Variants in ZNF804B observed in about 807,000 individuals in gnomAD.
ZNF804B encodes the protein zinc finger 804B.
ZNF804B carries 80 observed loss-of-function variants against 101.4 expected under a neutral mutation model. The ratio of observed to expected loss-of-function variants is 0.79; its 90% CI spans 0.66 to 0.95. The LOEUF is 0.95. ZNF804B is among the 40% of genes least tolerant of loss of function. The pLI, the probability that ZNF804B is intolerant of heterozygous loss-of-function variation, is 0.00. For synonymous variants in ZNF804B, 622 were observed against 558.8 expected, an observed-to-expected ratio of 1.11 and a Z score of -1.59; for missense variants, 1,673 against 1,561.9, an observed-to-expected ratio of 1.07 and a Z score of -1.20.
chr7:89,213,633 T>C (rs901248650), intron 1 of ZNF804B, among the ~76,000 whole-genome samples: 2 of 152,144 alleles, frequency 1.3e-5, no homozygotes, highest in African/African-American at 4.8e-5. Flanking sequence ...CTCCATATCA[T>C]CCCAAACCCA....
At chr7:89,218,342 T>G (rs1269798844) in intron 2 of ZNF804B, 47 bp downstream of exon 2, 1 of 1,605,678 alleles carries the variant, frequency 6.2e-7, no homozygotes, top group African/African-American at 1.3e-5. Flanking sequence ...ATTTATACCT[T>G]CAGAACAGAA....
intron 1 of ZNF804B, among the ~76,000 whole-genome samples, chr7:88,844,778 A>G (rs929914704): frequency 6.6e-6 from 1 of 152,218 alleles, no homozygotes; most frequent in South Asian, 2.1e-4. Context: ...GTTTCATGCC[A>G]ATCTCTGTAA....
intron 1 of ZNF804B, among the ~76,000 whole-genome samples, chr7:89,114,549 A>G (rs1172959721): frequency 6.6e-6 from 1 of 152,238 alleles, no homozygotes; most frequent in Non-Finnish European, 1.5e-5. Context: ...CTTGAATGAT[A>G]TCTGGTGCCA....
At chr7:88,772,835 C>T (rs1303856883) in intron 1 of ZNF804B, among the ~76,000 whole-genome samples, 1 of 151,948 alleles carries the variant, frequency 6.6e-6, no homozygotes, top group Non-Finnish European at 1.5e-5. Context: ...ATCCTTTGTT[C>T]AAAGGAAATT....
chr7:89,308,958 C>A (rs911938937), intron 2 of ZNF804B, among the ~76,000 whole-genome samples: 2 of 152,136 alleles, frequency 1.3e-5, no homozygotes, highest in Admixed American at 1.3e-4. Flanking sequence ...CCTAAAACTT[C>A]TTTTGAGAGA....
intron 2 of ZNF804B, among the ~76,000 whole-genome samples, chr7:89,256,291 AGCC>A (rs1789631173): frequency 1.3e-5 from 2 of 152,168 alleles, no homozygotes; most frequent in Non-Finnish European, 2.9e-5. Context: ...CAGTGGCTCA[AGCC>A]TGTAATCCCA....
intron 1 of ZNF804B, among the ~76,000 whole-genome samples, chr7:89,052,185 T>A (rs973331400): frequency 9.9e-5 from 15 of 152,142 alleles, no homozygotes; most frequent in Non-Finnish European, 2.1e-4. Flanking sequence ...TCACCAAGGC[T>A]GGAATGCAGT....
chr7:89,152,227 T>C (rs1790888682), intron 1 of ZNF804B, among the ~76,000 whole-genome samples: 1 of 151,370 alleles, frequency 6.6e-6, no homozygotes, highest in Non-Finnish European at 1.5e-5. Context: ...AGTCAAGTAA[T>C]GTTTCAGACT....
intron 1 of ZNF804B, among the ~76,000 whole-genome samples, chr7:89,080,765 C>T (rs1789685059): frequency 6.6e-6 from 1 of 151,864 alleles, no homozygotes; most frequent in South Asian, 2.1e-4. Flanking sequence ...GAAGAGCTGC[C>T]TTATTCTTAT....
chr7:89,332,227 A>G lies in ZNF804B; in HGVS notation c.381-1136A>G, dbSNP rs143435045. ...TTTGGTGGACAAAAGGAATGTGATGACTCTAGAGTTCGATGCTGATTTGCC... is the reference window on the plus strand; with the variant it reads ...TTTGGTGGACAAAAGGAATGTGATGGCTCTAGAGTTCGATGCTGATTTGCC... On this transcript the variant is annotated intron_variant, in intron 3 of 3. Transcript: ENST00000333190. Among the ~76,000 whole-genome samples, 754 of 151,772 alleles carry G rather than the reference A, an allele frequency of 5.0e-3. 10 individuals are homozygous for G. The highest frequency in any genetic ancestry group is 0.017 in the African/African-American group (718 of 41,480).
intron 1 of ZNF804B, among the ~76,000 whole-genome samples, chr7:89,156,074 C>CTCTTTCCTT (rs1320108402): frequency 0.19 from 12,920 of 69,680 alleles, 923 homozygotes; most frequent in Middle Eastern, 0.23. Flanking sequence ...CTTTCTTTCT[C>CTCTTTCCTT]TCTTTCTCTC....
rs1048961208 is a variant in ZNF804B, at chr7:89,064,834, G to A, written c.109-153321G>A. Among the ~76,000 whole-genome samples the A allele has an allele frequency of 4.2e-4, 64 of 152,102 alleles. 1 individual carries two copies. The highest frequency in any genetic ancestry group is 4.4e-5 in the Non-Finnish European group (3 of 68,008). On this transcript the variant is annotated intron_variant, in intron 1 of 3. Transcript: ENST00000333190. ...ATCATAAGTGCCAGAAGCAGAATTC[G>A]ATTGTCTGGTGGACACCCATGCTGA...
intron 1 of ZNF804B, among the ~76,000 whole-genome samples, chr7:88,839,543 C>T (rs977441239): frequency 2.0e-5 from 3 of 151,948 alleles, no homozygotes; most frequent in African/African-American, 7.2e-5. Flanking sequence ...ACTACTTTGA[C>T]TTTCTTAGCT....
At chr7:89,201,304 G>A (rs753863083) in intron 1 of ZNF804B, among the ~76,000 whole-genome samples, 1 of 151,886 alleles carries the variant, frequency 6.6e-6, no homozygotes, top group Non-Finnish European at 1.5e-5. Context: ...ATAGCATAAT[G>A]GACAGAAGCA....
chr7:89,190,675 G>A (rs1788442436), intron 1 of ZNF804B, among the ~76,000 whole-genome samples: 1 of 152,072 alleles, frequency 6.6e-6, no homozygotes, highest in Non-Finnish European at 1.5e-5. Flanking sequence ...TTTCATGAAA[G>A]GAAGAGTAAA....
intron 1 of ZNF804B, among the ~76,000 whole-genome samples, chr7:89,203,054 C>A (rs530897379): frequency 1.3e-5 from 2 of 151,974 alleles, no homozygotes; most frequent in Non-Finnish European, 1.5e-5. Context: ...CACAAATGCA[C>A]ATACAGAATA....
intron 1 of ZNF804B, among the ~76,000 whole-genome samples, chr7:89,073,106 C>T (rs1157373477): frequency 1.3e-5 from 2 of 152,190 alleles, no homozygotes; most frequent in Non-Finnish European, 2.9e-5. Context: ...CAAAACATGT[C>T]ATGAGAATTT....
chr7:89,019,648 T>C (rs1788630721), intron 1 of ZNF804B, among the ~76,000 whole-genome samples: 1 of 152,038 alleles, frequency 6.6e-6, no homozygotes, highest in African/African-American at 2.4e-5. Context: ...ACCTTATAAA[T>C]CTGGACCCTC....
At chr7:89,306,152 G>C (rs1282590168) in intron 2 of ZNF804B, among the ~76,000 whole-genome samples, 6 of 151,926 alleles carry the variant, frequency 3.9e-5, no homozygotes, top group African/African-American at 1.4e-4. Context: ...TATCCAATCA[G>C]CAAACAATTC....
Sources: allele counts gnomAD v4.1 joint callset (sites outside exome capture counted in the v4.1 genomes callset), GRCh38; gene constraint gnomAD v4.1.1; transcripts MANE v1.5; gene names NCBI Gene and HGNC (gene_info 2026-07-23, HGNC 2026-07-21).